Variants in CADM1 observed in about 807,000 individuals in gnomAD.
CADM1 encodes cell adhesion molecule 1.
A neutral mutation model predicts 53.1 loss-of-function variants in CADM1; 15 were observed. That is an observed-to-expected ratio of 0.28 (90% CI 0.19 to 0.44). The LOEUF is 0.44. CADM1 is among the 20% of genes least tolerant of loss of function. CADM1 has a pLI of 1.00. For synonymous variants in CADM1, 281 were observed against 243.0 expected (o/e 1.16, Z -1.45); for missense variants, 434 against 611.3 (o/e 0.71, Z 3.06).
intron 1 of CADM1, among the ~76,000 whole-genome samples, chr11:115,440,402 T>C (rs979307122): frequency 9.8e-5 from 15 of 152,366 alleles, no homozygotes; most frequent in African/African-American, 3.1e-4. Context: ...GCATTGTGCA[T>C]AGCACATGAT....
At chr11:115,326,470 CTTGA>C (rs767781055) in intron 1 of CADM1, among the ~76,000 whole-genome samples, 1 of 152,154 alleles carries the variant, frequency 6.6e-6, no homozygotes, top group Non-Finnish European at 1.5e-5. Context: ...TGGTTTACTA[CTTGA>C]TTATGACCAA....
intron 10 of CADM1, among the ~76,000 whole-genome samples, chr11:115,189,726 A>T (rs902717943): frequency 6.6e-6 from 1 of 152,208 alleles, no homozygotes. Context: ...AAATTCATTC[A>T]TTCATCCAAT....
At chr11:115,215,891 T>A (rs1351929708) in intron 6 of CADM1, among the ~76,000 whole-genome samples, 1 of 152,248 alleles carries the variant, frequency 6.6e-6, no homozygotes, top group Admixed American at 6.5e-5. Flanking sequence ...TGCTTAATGA[T>A]GAACGGATCC....
At chr11:115,244,772 T>G (rs886571519) in intron 1 of CADM1, among the ~76,000 whole-genome samples, 9 of 152,340 alleles carry the variant, frequency 5.9e-5, no homozygotes, top group Admixed American at 2.0e-4. Flanking sequence ...TATGAGCAAC[T>G]TCTGATTTTT....
At chr11:115,324,012 G>A (rs1394776678) in intron 1 of CADM1, among the ~76,000 whole-genome samples, 1 of 127,682 alleles carries the variant, frequency 7.8e-6, no homozygotes, top group African/African-American at 3.0e-5. Context: ...GTTCAGGAGA[G>A]GATCTGGGTT....
chr11:115,333,362 A>T (rs190440635), intron 1 of CADM1, among the ~76,000 whole-genome samples: 1 of 152,280 alleles, frequency 6.6e-6, no homozygotes, highest in Admixed American at 6.5e-5. Context: ...TCGAGAGAGA[A>T]AGAGAGAGAA....
intron 1 of CADM1, among the ~76,000 whole-genome samples, chr11:115,429,588 G>GA (rs34149068): frequency 0.018 from 1,876 of 105,296 alleles, 12 homozygotes; most frequent in East Asian, 0.03. Flanking sequence ...CACAAGAGCA[G>GA]AAAAAAAAAA....
intron 1 of CADM1, among the ~76,000 whole-genome samples, chr11:115,255,409 T>C (rs1942753247): frequency 1.3e-5 from 2 of 152,052 alleles, no homozygotes; most frequent in South Asian, 4.2e-4. Context: ...CCCTGGGAGA[T>C]TACTAAAAAT....
Position 115,171,669 on chromosome 11 carries a change from C to A in CADM1, c.*4805G>T, listed in dbSNP as rs921325097. 10 of 152,214 alleles carry A rather than the reference C, an allele frequency of 6.6e-5. No individual in the cohort carries two copies. The highest frequency in any genetic ancestry group is 5.2e-4 in the Admixed American group (8 of 15,280). The allele number at this position is 152,214 out of a possible 1,614,324, so 9.4% of individuals were successfully genotyped here. A position where few individuals can be genotyped will look rare whatever the true frequency, so the allele number is the denominator to read the frequency against. On this transcript the variant is annotated 3_prime_UTR_variant, in exon 12 of 12. Coordinates refer to ENST00000331581, the MANE Select transcript of CADM1 (RefSeq NM_001301043.2). The stretch of plus-strand genomic sequence containing the variant: ...AAAGGCAAATGTACAGCAGTCACCA[C>A]CTCCTGTCTGCCTCAGCTCAAGGAA...
chr11:115,295,020 C>T (rs1469012400), intron 1 of CADM1, among the ~76,000 whole-genome samples: 1 of 152,054 alleles, frequency 6.6e-6, no homozygotes, highest in East Asian at 1.9e-4. Flanking sequence ...GCCTGGGCAA[C>T]AAGAGTGAAA....
intron 5 of CADM1, among the ~76,000 whole-genome samples, chr11:115,225,839 A>G (rs1448496410): frequency 6.6e-6 from 1 of 152,170 alleles, no homozygotes; most frequent in Non-Finnish European, 1.5e-5. Context: ...TTGATGTAGA[A>G]TTCAAATCCA....
intron 1 of CADM1, among the ~76,000 whole-genome samples, chr11:115,381,029 G>A (rs897759330): frequency 3.3e-5 from 5 of 152,072 alleles, no homozygotes; most frequent in Admixed American, 6.5e-5. Context: ...GGCCAGGCAA[G>A]GTGGCTCATG....
At chr11:115,342,792 A>T (rs1456222805) in intron 1 of CADM1, among the ~76,000 whole-genome samples, 3 of 152,142 alleles carry the variant, frequency 2.0e-5, no homozygotes, top group African/African-American at 7.2e-5. Context: ...TAGATTACAA[A>T]GTCAATATAG....
At chr11:115,432,225 G>C (rs113901037) in intron 1 of CADM1, among the ~76,000 whole-genome samples, 1 of 151,922 alleles carries the variant, frequency 6.6e-6, no homozygotes, top group Non-Finnish European at 1.5e-5. Flanking sequence ...GATTACAGGC[G>C]TGAGCCACCA....
chr11:115,360,367 C>A (rs1230221778), intron 1 of CADM1, among the ~76,000 whole-genome samples: 2 of 152,088 alleles, frequency 1.3e-5, no homozygotes, highest in South Asian at 2.1e-4. Flanking sequence ...GTGCATTTGC[C>A]AAAACCTGCT....
intron 4 of CADM1, among the ~76,000 whole-genome samples, chr11:115,230,745 T>C: frequency 6.6e-6 from 1 of 152,190 alleles, no homozygotes; most frequent in East Asian, 1.9e-4. Flanking sequence ...AAGAACAGAC[T>C]GGTGAATTGG....
chr11:115,234,723 T>C (rs926244109), intron 3 of CADM1, among the ~76,000 whole-genome samples: 11 of 151,832 alleles, frequency 7.2e-5, no homozygotes, highest in African/African-American at 2.7e-4. Flanking sequence ...TGAAACCCTG[T>C]CTCTACCAAA....
rs145010870 is a variant in CADM1, at chr11:115,446,235, G to A, written c.124+58036C>T. ...CATCAGAATACAGGGGTCAGGCATT[G>A]TTGTTCTTATTTCACAAAGGAAAAG... On this transcript the variant is annotated intron_variant, in intron 1 of 11. Coordinates refer to ENST00000331581, the MANE Select transcript of CADM1 (RefSeq NM_001301043.2). Among the ~76,000 whole-genome samples, 1,441 of 152,234 alleles carry A rather than the reference G, an allele frequency of 9.5e-3. 9 individuals carry two copies. The highest frequency in any genetic ancestry group is 0.017 in the Non-Finnish European group (1,137 of 68,006).
intron 1 of CADM1, among the ~76,000 whole-genome samples, chr11:115,278,412 T>G (rs1943500878): frequency 6.6e-6 from 1 of 152,090 alleles, no homozygotes; most frequent in African/African-American, 2.4e-5. Context: ...ATAACTAGGA[T>G]AAGGAGCAGG....
Sources: gnomAD v4.1 joint callset for allele counts (sites outside exome capture counted in the v4.1 genomes callset) on GRCh38, gnomAD v4.1.1 for gene constraint, MANE v1.5 for transcripts, NCBI Gene and HGNC (gene_info 2026-07-23, HGNC 2026-07-21) for gene names.